The following KIF26A variants were observed in gnomAD, a reference collection of about 807,000 sequenced individuals.
The protein encoded by KIF26A is kinesin family member 26A.
Under a neutral mutation model 126.0 loss-of-function variants are expected in KIF26A, and 74 were observed. The ratio of observed to expected loss-of-function variants is 0.59; its 90% CI spans 0.49 to 0.71. The LOEUF (loss-of-function observed/expected upper bound fraction) is 0.71, where lower values mean the gene tolerates loss of function less well. KIF26A is among the 30% of genes least tolerant of loss of function. The pLI, the probability that KIF26A is intolerant of heterozygous loss-of-function variation, is 0.00. For missense variants in KIF26A, 2,984 were observed against 2,763.3 expected (o/e 1.08, Z -1.79); for synonymous variants, 1,445 against 1,232.7 (o/e 1.17, Z -3.61).
intron 2 of KIF26A, among the ~76,000 whole-genome samples, chr14:104,143,114 C>T (rs141181870): frequency 9.8e-5 from 15 of 152,332 alleles, no homozygotes; most frequent in African/African-American, 2.2e-4. Flanking sequence ...TTATCGCCCC[C>T]GATGGGGAAA....
At chr14:104,157,701 G>C in intron 3 of KIF26A, 54 bp from the exon 4 acceptor site, 1 of 1,554,220 alleles carries the variant, frequency 6.4e-7, no homozygotes, top group Admixed American at 1.8e-5. Flanking sequence ...GTGCCAGGGG[G>C]CAGTGGTGTC....
chr14:104,153,439 ACCCTTG>A (rs2037748480), intron 3 of KIF26A, among the ~76,000 whole-genome samples: 1 of 118,772 alleles, frequency 8.4e-6, no homozygotes, highest in Non-Finnish European at 1.9e-5. Flanking sequence ...AGGGAGCCCC[ACCCTTG>A]CCACGAGGTG....
intron 4 of KIF26A, among the ~76,000 whole-genome samples, chr14:104,159,132 G>A (rs1209779012): frequency 3.3e-5 from 5 of 152,350 alleles, no homozygotes; most frequent in South Asian, 2.1e-4. Context: ...CAGCCAGACC[G>A]CGCACGTGAC....
chr14:104,160,447 A>G (rs1431440455), intron 4 of KIF26A, among the ~76,000 whole-genome samples: 1 of 151,936 alleles, frequency 6.6e-6, no homozygotes, highest in Non-Finnish European at 1.5e-5. Context: ...CGGGTACCCG[A>G]GTTTCGTTAA....
chr14:104,176,340 C>T lies in KIF26A; in HGVS notation c.3552C>T (p.Ala1184=), dbSNP rs770719435. The change falls in exon 12 of 15, where the codon GCC becomes GCT. Residue 1184 remains alanine (A), a synonymous_variant. Transcript: ENST00000423312. ...GPCPGEVAAV[A]PSRPGREPQA... ...GCCCTGGGGAAGTGGCTGCAGTGGCCCCATCCCGACCCGGCAGGGAGCCCC... is the reference window on the plus strand; with the variant it reads ...GCCCTGGGGAAGTGGCTGCAGTGGCTCCATCCCGACCCGGCAGGGAGCCCC... 3 of 1,581,876 alleles carry T rather than the reference C, an allele frequency of 1.9e-6. No individual in the cohort carries two copies. Among genetic ancestry groups the T allele is most frequent in the Middle Eastern group, 1.7e-4 (1 of 5,972 alleles).
Position 104,173,781 on chromosome 14 carries a change from C to T in KIF26A, c.1943C>T (p.Ala648Val), listed in dbSNP as rs1194841995. The T allele has an allele frequency of 6.2e-7, 1 of 1,607,738 alleles. No homozygotes were observed. Among genetic ancestry groups the T allele is most frequent in the Non-Finnish European group, 8.5e-7 (1 of 1,179,458 alleles). Residue 648 changes from alanine (A) to valine (V), a missense_variant, in exon 10 of 15, where the codon GCT (alanine) becomes GTT (valine). Transcript: ENST00000423312. ...CEAAAGRAGE[A>V]AGGPLCLSLS... ...GCGGCGGCTGGCAGGGCCGGGGAGG[C>T]TGCTGGGGGTCCCCTGTGTCTGTCC...
chr14:104,149,916 C>T (rs969710917), intron 2 of KIF26A, among the ~76,000 whole-genome samples: 16 of 152,210 alleles, frequency 1.1e-4, no homozygotes, highest in Non-Finnish European at 2.4e-4. Flanking sequence ...ACTTCCTTCC[C>T]CTTCACACGG....
At chr14:104,147,735 C>T (rs1040992292) in intron 2 of KIF26A, among the ~76,000 whole-genome samples, 4 of 152,220 alleles carry the variant, frequency 2.6e-5, no homozygotes, top group African/African-American at 7.2e-5. Context: ...AGCGGCTGCT[C>T]GGGGTTGCAG....
Position 104,152,562 on chromosome 14 carries a change from T to C in KIF26A, c.735+101T>C. ...ACGTTGAGTGCCCTGCAGTAAGGCT[T>C]CCCTGAAGGGAGGGGACGGCGGGCA... is the stretch of plus-strand genomic sequence containing the variant. On this transcript the variant is annotated intron_variant, in intron 3 of 14. Transcript: ENST00000423312. This position sits in a 1 kb window ranked among gnomAD's most constrained non-coding sequence, Gnocchi z 5.9. 2.5e-6 allele frequency: 3 copies of C among 1,191,222 alleles called. No homozygotes were observed. Among genetic ancestry groups the C allele is most frequent in the Admixed American group, 2.8e-5 (1 of 35,156 alleles). The allele number at this position is 1,191,222 out of a possible 1,614,324, so 73.8% of individuals were successfully genotyped here. A position where few individuals can be genotyped will look rare whatever the true frequency, so the allele number is the denominator to read the frequency against.
Position 104,152,370 on chromosome 14 carries a change from C to T in KIF26A, c.644C>T (p.Ala215Val), listed in dbSNP as rs368536518. ...GTAGCACCTGCGGGTCTTGGAGGGG[C>T]GCTGAGCACGGTCACCATCCAGGCC... Reference protein sequence around the residue: ...VSVAPAGLGGALSTVTIQAQQ... With the variant: ...VSVAPAGLGGVLSTVTIQAQQ... The change falls in exon 3 of 15, where the codon GCG (alanine) becomes GTG (valine). Residue 215 changes from alanine to valine, a missense_variant. Coordinates refer to ENST00000423312, the MANE Select transcript of KIF26A (RefSeq NM_015656.2). The surrounding 1 kb of genome is among the most constrained non-coding windows in gnomAD (Gnocchi z 5.9). The T allele has an allele frequency of 5.5e-5, 87 of 1,591,318 alleles. 2 individuals are homozygous for T. The South Asian group carries it at 8.7e-4, about 16-fold the overall frequency.
chr14:104,174,698 G>A (rs2037997125), intron 11 of KIF26A, among the ~76,000 whole-genome samples: 1 of 152,182 alleles, frequency 6.6e-6, no homozygotes, highest in Admixed American at 6.5e-5. Context: ...CTTGGTGTGA[G>A]TCCTGGCCAC....
At chr14:104,146,253 C>T (rs2037679902) in intron 2 of KIF26A, among the ~76,000 whole-genome samples, 1 of 152,118 alleles carries the variant, frequency 6.6e-6, no homozygotes. Flanking sequence ...AGGGGAGTGT[C>T]TGGGTGTTGG....
In KIF26A at chr14:104,151,871, T is replaced by G; in HGVS notation, c.289-144T>G. The G allele has an allele frequency of 1.5e-6, 1 of 674,720 alleles. No homozygotes were observed. Among genetic ancestry groups the G allele is most frequent in the Non-Finnish European group, 2.6e-6 (1 of 383,166 alleles). The allele number at this position is 674,720 out of a possible 1,614,324, so 41.8% of individuals were successfully genotyped here. A position where few individuals can be genotyped will look rare whatever the true frequency, so the allele number is the denominator to read the frequency against. On this transcript the variant is annotated intron_variant, in intron 2 of 14. Transcript: ENST00000423312. The surrounding 1 kb of genome is among the most constrained non-coding windows in gnomAD (Gnocchi z 4.9). ...TGCTGGGCTTGTGTGGGTGAAAGTG[T>G]TTGGGCTTATTAATCTGTTACGGAT...
rs527341981 is a variant in KIF26A at position 104,177,533 on chromosome 14, C to T, written c.4745C>T (p.Ser1582Leu). The change falls in exon 12 of 15, where the codon TCG (serine) becomes TTG (leucine). Residue 1582 changes from serine (S) to leucine (L), a missense_variant. Ser to Leu is a moderately radical substitution (Grantham distance 145). Coordinates refer to ENST00000423312, the MANE Select transcript of KIF26A (RefSeq NM_015656.2). ...GGAGCCCCGGGCCGAGGTGGCTCCT[C>T]GTGGGGCTCGGCGGACTCAGACAGC... ...ASGAPGRGGS[S>L]WGSADSDSGH... 235 of 1,536,756 alleles carry T rather than the reference C, an allele frequency of 1.5e-4. 1 individual carries two copies. The African/African-American group carries it at 1.8e-3, about 11-fold the overall frequency.
intron 4 of KIF26A, among the ~76,000 whole-genome samples, chr14:104,166,109 G>A (rs915904612): frequency 9.9e-5 from 15 of 152,212 alleles, no homozygotes; most frequent in South Asian, 4.1e-4. Flanking sequence ...GGGTGGGGAG[G>A]CGCTCGCCCT....
chr14:104,177,914 C>A lies in KIF26A; in HGVS notation c.5110+16C>A. On this transcript the variant is annotated intron_variant, in intron 12 of 14. Transcript: ENST00000423312. ...AGGGCCACAGGTGGGTGCAGAGGTG[C>A]ACAGCCCTCTACAGTTTACGGGCTT... 6.7e-7 allele frequency: 1 copy of A among 1,498,024 alleles called. No individual in the cohort carries two copies. The allele number at this position is 1,498,024 out of a possible 1,614,324, so 92.8% of individuals were successfully genotyped here.
rs1466222586 is a variant in KIF26A at position 104,176,804 on chromosome 14, C to T, written c.4016C>T (p.Ser1339Phe). The T allele has an allele frequency of 1.3e-6, 2 of 1,563,656 alleles. No homozygotes were observed. Among genetic ancestry groups the T allele is most frequent in the South Asian group, 1.2e-5 (1 of 84,864 alleles). Residue 1339 changes from serine to phenylalanine, a missense_variant, in exon 12 of 15, where the codon TCC (serine) becomes TTC (phenylalanine). Physicochemically the swap from Ser to Phe is radical, Grantham distance 155. Coordinates refer to ENST00000423312, the MANE Select transcript of KIF26A (RefSeq NM_015656.2). ...VVACSGSLKA[S>F]PTSKKGLAPK... ...GCCTGCTCGGGGAGCCTGAAGGCCTCCCCCACCAGCAAGAAGGGTCTGGCT... is the reference window on the plus strand; with the variant it reads ...GCCTGCTCGGGGAGCCTGAAGGCCTTCCCCACCAGCAAGAAGGGTCTGGCT...
At chr14:104,177,962 C>T (rs938853802) in intron 12 of KIF26A, 64 bp downstream of exon 12, 131 of 1,400,588 alleles carry the variant, frequency 9.4e-5, no homozygotes, top group Middle Eastern at 2.6e-4. Flanking sequence ...TGTGCACAGC[C>T]CTCTACAGTT....
chr14:104,166,708 A>C, intron 4 of KIF26A, 151 bp from the exon 5 acceptor site: 1 of 710,104 alleles, frequency 1.4e-6, no homozygotes, highest in South Asian at 2.0e-5. Context: ...GTAGAAATGA[A>C]GTGCAGGCCT....
Sources: gnomAD v4.1 joint callset for allele counts (sites outside exome capture counted in the v4.1 genomes callset) on GRCh38, gnomAD v4.1.1 for gene constraint, Gnocchi (gnomAD v3.1) non-coding constraint, MANE v1.5 for transcripts, NCBI Gene and HGNC (gene_info 2026-07-23, HGNC 2026-07-21) for gene names.